Variants in TSHZ2 observed in about 807,000 individuals in gnomAD.
TSHZ2 encodes teashirt zinc finger homeobox 2, also known as teashirt homolog 2.
Under a neutral mutation model 74.4 loss-of-function variants are expected in TSHZ2, and 21 were observed. The ratio of observed to expected loss-of-function variants is 0.28; its 90% CI spans 0.20 to 0.41. The LOEUF is 0.41. TSHZ2 is among the 10% of genes least tolerant of loss of function. The probability of loss-of-function intolerance (pLI) is 1.00; values close to 1 mark genes in which losing one functional copy is unlikely to be tolerated. For missense variants in TSHZ2, 1,244 were observed against 1,293.5 expected (o/e 0.96, Z 0.59); for synonymous variants, 540 against 515.3 (o/e 1.05, Z -0.65).
chr20:53,427,991 A>G (rs1190452622), intron 2 of TSHZ2, among the ~76,000 whole-genome samples: 1 of 152,170 alleles, frequency 6.6e-6, no homozygotes, highest in Admixed American at 6.5e-5. Flanking sequence ...TAACTTATCC[A>G]AATTATCTGA....
At chr20:53,271,790 A>C (rs1600781347) in intron 2 of TSHZ2, among the ~76,000 whole-genome samples, 1 of 152,194 alleles carries the variant, frequency 6.6e-6, no homozygotes, top group South Asian at 2.1e-4. Context: ...GTGGCTCAGT[A>C]TGATTGCAGA....
chr20:53,124,027 C>T (rs1162093450), intron 1 of TSHZ2, among the ~76,000 whole-genome samples: 1 of 152,192 alleles, frequency 6.6e-6, no homozygotes, highest in East Asian at 1.9e-4. Context: ...CGAATTTCCC[C>T]TAAACATATG....
At chr20:53,258,671 A>G (rs758959004) in intron 2 of TSHZ2, among the ~76,000 whole-genome samples, 9 of 152,242 alleles carry the variant, frequency 5.9e-5, no homozygotes, top group Non-Finnish European at 1.2e-4. Context: ...GGAAAAACAT[A>G]TACAAAAGGT....
intron 1 of TSHZ2, among the ~76,000 whole-genome samples, chr20:53,177,779 G>T (rs1988380117): frequency 6.6e-6 from 1 of 152,130 alleles, no homozygotes; most frequent in Non-Finnish European, 1.5e-5. Flanking sequence ...TCTAGGGACA[G>T]TTCCTAGGTG....
rs901264449 is a variant in TSHZ2 at position 53,455,119 on chromosome 20, A to G, written c.*9-32025A>G. 3 of 152,174 alleles carry G rather than the reference A, an allele frequency of 2.0e-5. No homozygotes were observed. In the South Asian group the frequency reaches 6.3e-4, roughly 32 times the overall value. The allele number at this position is 152,174 out of a possible 1,614,324, so 9.4% of individuals were successfully genotyped here. ...CTGATTAAAGCCTTTTTCTCTGGCA[A>G]TACTTGTTGTCTCAGTGGTTGGCGT... On this transcript the variant is annotated intron_variant, in intron 2 of 2. Coordinates refer to ENST00000371497, the MANE Select transcript of TSHZ2 (RefSeq NM_173485.6).
At chr20:53,181,804 C>T (rs530983529) in intron 1 of TSHZ2, among the ~76,000 whole-genome samples, 407 of 152,224 alleles carry the variant, frequency 2.7e-3, no homozygotes, top group Non-Finnish European at 3.9e-3. Flanking sequence ...AGGAGAATGG[C>T]GTGAACCCGG....
In TSHZ2 at chr20:53,254,018, C is replaced by G. The variant is rs750678355; in HGVS notation, c.560C>G (p.Ser187Trp). 3.7e-6 allele frequency: 6 copies of G among 1,614,108 alleles called. No homozygotes were observed. The highest frequency in any genetic ancestry group is 1.1e-5 in the South Asian group (1 of 91,062). ...LQQNLPSRSV[S>W]KPSLFSSVQL... The stretch of plus-strand genomic sequence containing the variant: ...CAGAACTTGCCTTCTCGGTCCGTCT[C>G]GAAACCCAGCCTGTTCAGCTCGGTG... Residue 187 changes from serine to tryptophan, a missense_variant, in exon 2 of 3, where the codon TCG becomes TGG. Ser to Trp is a radical substitution (Grantham distance 177). Coordinates refer to ENST00000371497, the MANE Select transcript of TSHZ2 (RefSeq NM_173485.6).
chr20:52,998,304 G>A (rs763367614), intron 1 of TSHZ2, among the ~76,000 whole-genome samples: 42 of 152,146 alleles, frequency 2.8e-4, no homozygotes, highest in Non-Finnish European at 5.0e-4. Context: ...GACTAGCTGG[G>A]ATTAAAGGCA....
chr20:53,353,883 G>A (rs1980746493), intron 2 of TSHZ2, among the ~76,000 whole-genome samples: 2 of 152,212 alleles, frequency 1.3e-5, no homozygotes, highest in Non-Finnish European at 2.9e-5. Flanking sequence ...ATACCAAAGA[G>A]TAGGGGGATC....
chr20:53,408,752 G>T (rs549371043), intron 2 of TSHZ2, among the ~76,000 whole-genome samples: 2 of 152,288 alleles, frequency 1.3e-5, no homozygotes, highest in East Asian at 3.9e-4. Flanking sequence ...AATGGAACCT[G>T]ACTGCCTGAT....
intron 1 of TSHZ2, among the ~76,000 whole-genome samples, chr20:53,126,930 G>A (rs1872064819): frequency 1.3e-5 from 2 of 152,028 alleles, no homozygotes; most frequent in African/African-American, 4.8e-5. Flanking sequence ...GGGCTCTTTC[G>A]AGGATGTTCT....
intron 1 of TSHZ2, among the ~76,000 whole-genome samples, chr20:53,075,454 G>A (rs1985337550): frequency 6.6e-6 from 1 of 152,118 alleles, no homozygotes; most frequent in Admixed American, 6.5e-5. Flanking sequence ...GGACACGAAG[G>A]GGATTTGAAG....
intron 2 of TSHZ2, among the ~76,000 whole-genome samples, chr20:53,393,101 AT>A (rs754667645): frequency 1.3e-3 from 193 of 152,280 alleles, no homozygotes; most frequent in Non-Finnish European, 2.2e-3. Flanking sequence ...AGGTGCTGGG[AT>A]TACAGGCAAG....
At chr20:53,290,333 G>A (rs1991255766) in intron 2 of TSHZ2, among the ~76,000 whole-genome samples, 1 of 151,866 alleles carries the variant, frequency 6.6e-6, no homozygotes. Flanking sequence ...GTTCATTTTG[G>A]TGGATTCATG....
chr20:53,066,875 TC>T (rs1985007526), intron 1 of TSHZ2, among the ~76,000 whole-genome samples: 1 of 152,162 alleles, frequency 6.6e-6, no homozygotes, highest in Non-Finnish European at 1.5e-5. Flanking sequence ...TTCAGCTTTC[TC>T]CCCTATGATG....
At chr20:53,201,290 C>A (rs1988997867) in intron 1 of TSHZ2, among the ~76,000 whole-genome samples, 1 of 152,172 alleles carries the variant, frequency 6.6e-6, no homozygotes, top group East Asian at 1.9e-4. Context: ...ACCAGTTTCA[C>A]TGGGCTAAAA....
intron 1 of TSHZ2, among the ~76,000 whole-genome samples, chr20:53,096,439 G>A (rs970063940): frequency 2.6e-5 from 4 of 151,948 alleles, no homozygotes; most frequent in African/African-American, 7.3e-5. Context: ...CACCATGCCC[G>A]GCCTGTATTG....
At chr20:53,368,252 C>T (rs1407435030) in intron 2 of TSHZ2, among the ~76,000 whole-genome samples, 1 of 151,456 alleles carries the variant, frequency 6.6e-6, no homozygotes, top group Non-Finnish European at 1.5e-5. Context: ...ACTGCTAAAC[C>T]AAACCAAAAT....
intron 1 of TSHZ2, among the ~76,000 whole-genome samples, chr20:53,095,733 AC>A (rs1188101486): frequency 6.6e-6 from 1 of 151,892 alleles, no homozygotes; most frequent in Admixed American, 6.6e-5. Flanking sequence ...CCTGGCCTCT[AC>A]CCCTGTGATG....
Sources: gnomAD v4.1 joint callset for allele counts (sites outside exome capture counted in the v4.1 genomes callset) on GRCh38, gnomAD v4.1.1 for gene constraint, MANE v1.5 for transcripts, NCBI Gene and HGNC (gene_info 2026-07-23, HGNC 2026-07-21) for gene names.